Variants in DNAH5 observed in about 807,000 individuals in gnomAD.
DNAH5 encodes axonemal beta dynein heavy chain 5.
A neutral mutation model predicts 518.2 loss-of-function variants in DNAH5; 372 were observed. That is an observed-to-expected ratio of 0.72 (90% CI 0.66 to 0.78). The LOEUF is 0.78. Ranked by LOEUF, DNAH5 falls within the 30% of genes least tolerant of loss-of-function variation. DNAH5 has a pLI of 0.00. For synonymous variants in DNAH5, 2,039 were observed against 2,025.9 expected (o/e 1.01, Z -0.17); for missense variants, 5,523 against 5,687.0 (o/e 0.97, Z 0.93).
chr5:13,885,858 A>G, intron 18 of DNAH5, 106 bp downstream of exon 18: 1 of 1,041,884 alleles, frequency 9.6e-7, no homozygotes. Context: ...GAAAATCGAG[A>G]GGATGTTTAT....
chr5:13,919,271 G>A lies in DNAH5; in HGVS notation c.880C>T (p.Leu294Phe). 6.2e-7 allele frequency: 1 copy of A among 1,614,168 alleles called. No individual in the cohort carries two copies. The highest frequency in any genetic ancestry group is 8.5e-7 in the Non-Finnish European group (1 of 1,180,018). ...TCCAAAAGGTAGTTAAACTTGGAGA[G>A]TCTTTTTTTCCAGTGCTCCAGCTCC... ...RAELEHWKKRLSKFNYLLEQL... is the reference protein window; with the variant it reads ...RAELEHWKKRFSKFNYLLEQL... Residue 294 changes from leucine (L) to phenylalanine (F), a missense_variant, in exon 7 of 79, where the codon CTC (leucine) becomes TTC (phenylalanine). Leu to Phe is a conservative substitution (Grantham distance 22, BLOSUM62 0). Transcript: ENST00000265104.
At chr5:13,774,575 A>T (rs1561223052) in intron 55 of DNAH5, among the ~76,000 whole-genome samples, 1 of 152,164 alleles carries the variant, frequency 6.6e-6, no homozygotes, top group Non-Finnish European at 1.5e-5. Context: ...GTCTGTTGAC[A>T]AGTCTGTCTT....
chr5:13,978,390 A>G (rs575334026), intron 1 of DNAH5, among the ~76,000 whole-genome samples: 1 of 152,352 alleles, frequency 6.6e-6, no homozygotes, highest in East Asian at 1.9e-4. Context: ...AGGCCTTAAT[A>G]GAATGAAGAC....
intron 12 of DNAH5, among the ~76,000 whole-genome samples, chr5:13,902,650 A>G (rs1181692346): frequency 6.6e-6 from 1 of 152,238 alleles, no homozygotes; most frequent in Admixed American, 6.5e-5. Flanking sequence ...CAAAGCACCC[A>G]TAGACAGTAC....
chr5:13,929,697 C>A (rs1282832153), intron 2 of DNAH5, among the ~76,000 whole-genome samples: 5 of 152,170 alleles, frequency 3.3e-5, no homozygotes, highest in African/African-American at 1.2e-4. Context: ...TCCTATCCCT[C>A]CCCTCTGTGC....
intron 21 of DNAH5, among the ~76,000 whole-genome samples, chr5:13,881,850 T>C (rs1241400327): frequency 1.3e-5 from 2 of 151,686 alleles, no homozygotes; most frequent in African/African-American, 2.4e-5. Context: ...ACAAATGAAA[T>C]AGAAACTAGA....
intron 47 of DNAH5, among the ~76,000 whole-genome samples, chr5:13,799,511 C>T (rs1475777282): frequency 6.6e-6 from 1 of 152,184 alleles, no homozygotes; most frequent in Non-Finnish European, 1.5e-5. Context: ...CTAAGCTATA[C>T]ATGTCATAAA....
intron 47 of DNAH5, among the ~76,000 whole-genome samples, chr5:13,798,207 A>AAAAT (rs998371461): frequency 8.5e-5 from 13 of 152,292 alleles, no homozygotes; most frequent in African/African-American, 3.1e-4. Context: ...AAAGTATAAT[A>AAAAT]AAATAAATAA....
At chr5:13,997,570 A>G (rs964791549) in intron 1 of DNAH5, among the ~76,000 whole-genome samples, 16 of 152,202 alleles carry the variant, frequency 1.1e-4, no homozygotes, top group African/African-American at 3.9e-4. Context: ...CTAAAAAGAT[A>G]CAGGCTTTCT....
intron 43 of DNAH5, among the ~76,000 whole-genome samples, chr5:13,813,589 C>A: frequency 6.6e-6 from 1 of 152,024 alleles, no homozygotes; most frequent in African/African-American, 2.4e-5. Flanking sequence ...GGGTTGCAAC[C>A]CTCTGCTTTT....
chr5:13,926,802 C>T (rs1394723379), intron 3 of DNAH5, among the ~76,000 whole-genome samples: 1 of 152,210 alleles, frequency 6.6e-6, no homozygotes, highest in African/African-American at 2.4e-5. Flanking sequence ...CAGTTTCATC[C>T]AGTGCTCCGT....
chr5:13,889,408 C>T (rs1322177988), intron 17 of DNAH5, among the ~76,000 whole-genome samples: 1 of 152,114 alleles, frequency 6.6e-6, no homozygotes, highest in Non-Finnish European at 1.5e-5. Context: ...TATAAAATGA[C>T]TTAATATAAC....
At chr5:13,937,458 C>A (rs965829639) in intron 1 of DNAH5, among the ~76,000 whole-genome samples, 4 of 151,110 alleles carry the variant, frequency 2.6e-5, no homozygotes, top group African/African-American at 9.7e-5. Context: ...AATGATAACA[C>A]CCTCACCCCA....
At chr5:13,868,664 A>T (rs905846106) in intron 24 of DNAH5, among the ~76,000 whole-genome samples, 19 of 152,138 alleles carry the variant, frequency 1.2e-4, no homozygotes, top group African/African-American at 4.6e-4. Flanking sequence ...GGGGGAAAAC[A>T]TTGTTGATCT....
chr5:13,882,671 A>T, intron 21 of DNAH5, 57 bp downstream of exon 21: 1 of 1,346,710 alleles, frequency 7.4e-7, no homozygotes, highest in Non-Finnish European at 1.1e-6. Context: ...AAAAACATTT[A>T]AGCTCAATGA....
intron 46 of DNAH5, 119 bp from the exon 47 acceptor site, chr5:13,807,844 TA>T: frequency 1.1e-6 from 1 of 873,162 alleles, no homozygotes; most frequent in Non-Finnish European, 1.8e-6. Context: ...AATGTGATTC[TA>T]TTTGGAGATA....
chr5:13,935,731 CCTGCAGCTTTCTGGCTG>C (rs1778863199), intron 1 of DNAH5, among the ~76,000 whole-genome samples: 1 of 152,162 alleles, frequency 6.6e-6, no homozygotes, highest in African/African-American at 2.4e-5. Flanking sequence ...CAGACCTAAC[CCTGCAGCTTTCTGGCTG>C]CTAAGGAACT....
At chr5:13,887,789 G>A (rs746299886) in intron 17 of DNAH5, among the ~76,000 whole-genome samples, 3 of 152,026 alleles carry the variant, frequency 2.0e-5, no homozygotes, top group Admixed American at 6.5e-5. Flanking sequence ...CCACCCAGGA[G>A]ACGCCCAACC....
intron 30 of DNAH5, 25 bp downstream of exon 30, chr5:13,859,427 G>A (rs1042857912): frequency 1.2e-6 from 2 of 1,613,658 alleles, no homozygotes; most frequent in Admixed American, 1.7e-5. Flanking sequence ...AAAATCTGAT[G>A]AAATCATAAA....
Sources: gnomAD v4.1 joint callset for allele counts (sites outside exome capture counted in the v4.1 genomes callset) on GRCh38, gnomAD v4.1.1 for gene constraint, MANE v1.5 for transcripts, NCBI Gene and HGNC (gene_info 2026-07-23, HGNC 2026-07-21) for gene names.